Variants in FUBP3 observed in about 807,000 individuals in gnomAD.
FUBP3 encodes the protein far upstream element-binding protein 3.
Under a neutral mutation model 85.6 loss-of-function variants are expected in FUBP3, and 28 were observed. The ratio of observed to expected loss-of-function variants is 0.33; its 90% CI spans 0.24 to 0.45. The LOEUF (loss-of-function observed/expected upper bound fraction) is 0.45, where lower values mean the gene tolerates loss of function less well. Among genes scored for constraint, FUBP3 ranks in the 20% least tolerant of loss-of-function variants. The pLI is 1.00. For missense variants in FUBP3, 583 were observed against 755.1 expected (o/e 0.77, Z 2.67); for synonymous variants, 271 against 271.4 (o/e 1.00, Z 0.01).
intron 3 of FUBP3, among the ~76,000 whole-genome samples, chr9:130,611,397 T>A (rs1831738005): frequency 6.6e-6 from 1 of 152,094 alleles, no homozygotes. Flanking sequence ...AATTGCCTGA[T>A]TTGGGGAGAA....
At chr9:130,595,922 C>G (rs1009106486) in intron 2 of FUBP3, among the ~76,000 whole-genome samples, 6 of 152,208 alleles carry the variant, frequency 3.9e-5, no homozygotes, top group Non-Finnish European at 8.8e-5. Context: ...CCCACTTTCT[C>G]CACAGAAAAG....
At chr9:130,585,091 CAG>C (rs1426905386) in intron 1 of FUBP3, among the ~76,000 whole-genome samples, 1 of 151,684 alleles carries the variant, frequency 6.6e-6, no homozygotes, top group Non-Finnish European at 1.5e-5. Context: ...ACCTGGGAGA[CAG>C]AGGTTGCAGT....
chr9:130,631,286 T>A, intron 13 of FUBP3: 1 of 1,329,054 alleles, frequency 7.5e-7, no homozygotes, highest in South Asian at 2.1e-5. Flanking sequence ...GACGGGAGAG[T>A]CAAGCAGGTT....
At chr9:130,608,093 A>T (rs1831550665) in intron 2 of FUBP3, among the ~76,000 whole-genome samples, 1 of 152,224 alleles carries the variant, frequency 6.6e-6, no homozygotes, top group South Asian at 2.1e-4. Flanking sequence ...AATCTCAGGA[A>T]GTTCTTTATG....
At chr9:130,592,788 C>T (rs1830690204) in intron 1 of FUBP3, among the ~76,000 whole-genome samples, 1 of 152,170 alleles carries the variant, frequency 6.6e-6, no homozygotes, top group South Asian at 2.1e-4. Context: ...AAGCAGTCAT[C>T]CCGCTTTGAC....
chr9:130,608,632 A>T (rs1831580983), intron 2 of FUBP3, among the ~76,000 whole-genome samples: 1 of 152,198 alleles, frequency 6.6e-6, no homozygotes, highest in Admixed American at 6.5e-5. Flanking sequence ...CAAAGAGAAA[A>T]TTTTAAGAGT....
At chr9:130,599,383 G>A (rs7852880) in intron 2 of FUBP3, among the ~76,000 whole-genome samples, 48,948 of 142,404 alleles carry the variant, frequency 0.34, 8,309 homozygotes, top group East Asian at 0.5. Flanking sequence ...GTGTGTGTGT[G>A]TATATATATA....
intron 11 of FUBP3, among the ~76,000 whole-genome samples, chr9:130,624,850 C>T (rs1006427994): frequency 3.3e-5 from 5 of 152,092 alleles, no homozygotes; most frequent in Non-Finnish European, 7.4e-5. Flanking sequence ...TTTTGGGAGG[C>T]CGAGGCAAGC....
chr9:130,593,216 T>A (rs1564193314), intron 1 of FUBP3, among the ~76,000 whole-genome samples: 1 of 152,180 alleles, frequency 6.6e-6, no homozygotes, highest in Non-Finnish European at 1.5e-5. Flanking sequence ...TGTGACATTA[T>A]CTTCTCTTAC....
At chr9:130,584,697 C>A (rs534151107) in intron 1 of FUBP3, among the ~76,000 whole-genome samples, 1 of 148,690 alleles carries the variant, frequency 6.7e-6, no homozygotes, top group Admixed American at 6.7e-5. Flanking sequence ...GGCAAAACCC[C>A]GTCTCTACTA....
At chr9:130,633,563 G>A (rs1272660507) in intron 16 of FUBP3, among the ~76,000 whole-genome samples, 3 of 152,174 alleles carry the variant, frequency 2.0e-5, no homozygotes, top group East Asian at 3.9e-4. Flanking sequence ...TGGTCTTGCC[G>A]CCATTGGGCA....
At chr9:130,597,456 GA>G (rs1830929398) in intron 2 of FUBP3, among the ~76,000 whole-genome samples, 1 of 152,206 alleles carries the variant, frequency 6.6e-6, no homozygotes, top group South Asian at 2.1e-4. Flanking sequence ...TTATTGCTAA[GA>G]AAAATGTGCC....
At chr9:130,629,734 C>A (rs559391085) in intron 12 of FUBP3, among the ~76,000 whole-genome samples, 17 of 152,308 alleles carry the variant, frequency 1.1e-4, no homozygotes, top group African/African-American at 4.1e-4. Context: ...ATCACCCAGG[C>A]TCGCTGCTGC....
At position 130,609,376 on chromosome 9, in the gene FUBP3, T is replaced by C. The variant is rs377655764; in HGVS notation, c.191-578T>C. Among the ~76,000 whole-genome samples the C allele has an allele frequency of 5.0e-4, 72 of 145,214 alleles. No individual in the cohort carries two copies. The East Asian group carries it at 0.015, about 30-fold the overall frequency. ...GCTGCACATGGACTGCTCTGGTGGG[T>C]CCGTGACGAGGCCTGTGGAGGTAGG... On this transcript the variant is annotated intron_variant, in intron 2 of 18. Coordinates refer to ENST00000319725, the MANE Select transcript of FUBP3 (RefSeq NM_003934.2).
At position 130,635,836 on chromosome 9, in the gene FUBP3, T is replaced by C; in HGVS notation, c.1583-163T>C. 1.5e-6 allele frequency: 1 copy of C among 676,200 alleles called. No individual in the cohort carries two copies. The highest frequency in any genetic ancestry group is 2.5e-6 in the Non-Finnish European group (1 of 398,394). 41.9% of individuals were successfully genotyped at this position (676,200 alleles called of 1,614,324 possible). ...GGCAACAAGAGGCTAACAGCACCTT[T>C]TGTAGCAAGCGCTCCTGCAACACCA... On this transcript the variant is annotated intron_variant, in intron 17 of 18. Coordinates refer to ENST00000319725, the MANE Select transcript of FUBP3 (RefSeq NM_003934.2). This position sits in a 1 kb window ranked among gnomAD's most constrained non-coding sequence, Gnocchi z 4.3.
chr9:130,633,012 C>T (rs1377019119), intron 16 of FUBP3, among the ~76,000 whole-genome samples: 1 of 152,266 alleles, frequency 6.6e-6, no homozygotes, highest in Non-Finnish European at 1.5e-5. Flanking sequence ...TCCCACAGCA[C>T]CCAGGCCGCA....
chr9:130,604,552 C>T (rs182127347), intron 2 of FUBP3, among the ~76,000 whole-genome samples: 1 of 152,148 alleles, frequency 6.6e-6, no homozygotes. Context: ...CCTGATGATA[C>T]CTGCCTCATC....
intron 3 of FUBP3, among the ~76,000 whole-genome samples, chr9:130,611,543 C>G (rs1314210527): frequency 2.0e-5 from 3 of 152,086 alleles, no homozygotes; most frequent in African/African-American, 7.2e-5. Context: ...TATGCTATTG[C>G]ATTTCTTTTA....
chr9:130,615,158 G>A (rs868352803), intron 6 of FUBP3, among the ~76,000 whole-genome samples: 2 of 152,142 alleles, frequency 1.3e-5, no homozygotes, highest in Non-Finnish European at 2.9e-5. Context: ...AATAAATATC[G>A]CTGGCAGGTG....
Sources: gnomAD v4.1 joint callset for allele counts (sites outside exome capture counted in the v4.1 genomes callset) on GRCh38, gnomAD v4.1.1 for gene constraint, Gnocchi (gnomAD v3.1) non-coding constraint, MANE v1.5 for transcripts, NCBI Gene and HGNC (gene_info 2026-07-23, HGNC 2026-07-21) for gene names.